Variants in RGS7 observed in about 807,000 individuals in gnomAD.
The protein encoded by RGS7 is regulator of G-protein signaling 7.
In RGS7, 27 loss-of-function variants were observed where a neutral mutation model predicts 81.1. The ratio of observed to expected loss-of-function variants is 0.33; its 90% confidence interval spans 0.25 to 0.46. The LOEUF (loss-of-function observed/expected upper bound fraction) is 0.46, where lower values mean the gene tolerates loss of function less well. RGS7 is among the 20% of genes least tolerant of loss of function. RGS7 has a pLI of 1.00. For synonymous variants in RGS7, 208 were observed against 207.7 expected (o/e 1.00, Z -0.01); for missense variants, 396 against 607.4 (o/e 0.65, Z 3.66).
At chr1:241,056,954 C>G (rs2061503383) in intron 3 of RGS7, among the ~76,000 whole-genome samples, 1 of 152,168 alleles carries the variant, frequency 6.6e-6, no homozygotes, top group South Asian at 2.1e-4. Flanking sequence ...TTGGAATACA[C>G]AGTCCTTTTT....
intron 18 of RGS7, among the ~76,000 whole-genome samples, chr1:240,796,507 GA>G (rs1687088572): frequency 6.6e-6 from 1 of 152,142 alleles, no homozygotes; most frequent in African/African-American, 2.4e-5. Flanking sequence ...CCAACATGGT[GA>G]AACCCCATCT....
chr1:241,230,996 G>A (rs1366250250), intron 2 of RGS7, among the ~76,000 whole-genome samples: 3 of 152,030 alleles, frequency 2.0e-5, no homozygotes, highest in Non-Finnish European at 2.9e-5. Flanking sequence ...AACTCTTTTG[G>A]TTGTTGGTCG....
chr1:240,818,015 T>C (rs1691129631), intron 10 of RGS7, among the ~76,000 whole-genome samples: 1 of 152,214 alleles, frequency 6.6e-6, no homozygotes, highest in Non-Finnish European at 1.5e-5. Flanking sequence ...GTGTCCTTTC[T>C]TGCCCTACCA....
intron 2 of RGS7, among the ~76,000 whole-genome samples, chr1:241,106,468 A>G (rs2065102885): frequency 1.3e-5 from 2 of 152,224 alleles, no homozygotes; most frequent in South Asian, 4.1e-4. Context: ...TAATCCCAGC[A>G]CTTGGGAAGC....
At chr1:241,155,714 A>C (rs1410033810) in intron 2 of RGS7, among the ~76,000 whole-genome samples, 1 of 152,160 alleles carries the variant, frequency 6.6e-6, no homozygotes, top group East Asian at 1.9e-4. Flanking sequence ...TGAAATTTCC[A>C]GTAGACTTTA....
chr1:241,279,472 T>A (rs1375393616), intron 2 of RGS7, among the ~76,000 whole-genome samples: 1 of 152,226 alleles, frequency 6.6e-6, no homozygotes, highest in African/African-American at 2.4e-5. Flanking sequence ...CATGTACCTA[T>A]GTCCTATATA....
chr1:241,022,900 C>T (rs900422395), intron 3 of RGS7, among the ~76,000 whole-genome samples: 4 of 152,058 alleles, frequency 2.6e-5, no homozygotes, highest in Admixed American at 6.6e-5. Flanking sequence ...GGTGGCCTCA[C>T]TAAACCTCAC....
At chr1:241,015,116 T>G (rs1181156164) in intron 3 of RGS7, among the ~76,000 whole-genome samples, 1 of 152,208 alleles carries the variant, frequency 6.6e-6, no homozygotes, top group East Asian at 1.9e-4. Flanking sequence ...CTTCTAAATC[T>G]AAAGTTGCAC....
chr1:241,311,848 A>C (rs948384687), intron 2 of RGS7, among the ~76,000 whole-genome samples: 14 of 152,244 alleles, frequency 9.2e-5, no homozygotes, highest in Admixed American at 9.2e-4. Flanking sequence ...CCCCAAAATA[A>C]TTACATGAAA....
chr1:240,998,691 G>A, intron 3 of RGS7: 2 of 1,153,200 alleles, frequency 1.7e-6, no homozygotes, highest in Non-Finnish European at 1.3e-6. Context: ...ATTTACACCG[G>A]CTGCTTTAAT....
chr1:241,321,034 A>T (rs1041158183), intron 2 of RGS7, among the ~76,000 whole-genome samples: 1 of 152,242 alleles, frequency 6.6e-6, no homozygotes, highest in Non-Finnish European at 1.5e-5. Context: ...ATATTGGAAG[A>T]CACACTGACT....
At chr1:240,985,776 T>C (rs1685565066) in intron 3 of RGS7, among the ~76,000 whole-genome samples, 1 of 151,698 alleles carries the variant, frequency 6.6e-6, no homozygotes, top group African/African-American at 2.4e-5. Context: ...AAGAGATAGG[T>C]AGAGAGAGAA....
Position 241,180,933 on chromosome 1 carries a change from G to A in RGS7, c.79-82171C>T, listed in dbSNP as rs1443839357. On this transcript the variant is annotated intron_variant, in intron 2 of 18. Coordinates refer to ENST00000440928, the MANE Select transcript of RGS7 (RefSeq NM_001364886.1). Reference sequence around the variant, plus strand: ...TCTCCGGAAACTCCAATGCATGTTAGTAAGTGAAGGAAGCCAATCCAAAAA... The same window carrying A: ...TCTCCGGAAACTCCAATGCATGTTAATAAGTGAAGGAAGCCAATCCAAAAA... Among the ~76,000 whole-genome samples the A allele has an allele frequency of 2.6e-5, 4 of 152,356 alleles. No homozygotes were observed. The East Asian group carries it at 7.7e-4, about 29-fold the overall frequency.
In RGS7 at chr1:241,334,604, A is replaced by G. The variant is rs187641976; in HGVS notation, c.78+21095T>C. ...CAGGGCAATACAGTGGGAAGGGACTATCCAGTAAAACTCCTCCAAAACAGT... is the reference window on the plus strand; with the variant it reads ...CAGGGCAATACAGTGGGAAGGGACTGTCCAGTAAAACTCCTCCAAAACAGT... On this transcript the variant is annotated intron_variant, in intron 2 of 18. Transcript: ENST00000440928. Among the ~76,000 whole-genome samples, 21 of 152,316 alleles carry G rather than the reference A, an allele frequency of 1.4e-4. 1 individual carries two copies. The highest frequency in any genetic ancestry group is 3.4e-3 in the Middle Eastern group (1 of 294).
At chr1:240,834,337 T>G (rs1157614758) in intron 9 of RGS7, among the ~76,000 whole-genome samples, 1 of 152,216 alleles carries the variant, frequency 6.6e-6, no homozygotes, top group Non-Finnish European at 1.5e-5. Flanking sequence ...GGGTATGATA[T>G]CTTGCTTCAG....
At chr1:241,161,492 AATT>A (rs1028175742) in intron 2 of RGS7, among the ~76,000 whole-genome samples, 71 of 146,900 alleles carry the variant, frequency 4.8e-4, no homozygotes, top group African/African-American at 1.7e-3. Flanking sequence ...AATATATAAT[AATT>A]ATATTATTAT....
intron 2 of RGS7, among the ~76,000 whole-genome samples, chr1:241,106,648 G>A (rs1218592175): frequency 2.0e-5 from 3 of 150,504 alleles, no homozygotes; most frequent in Non-Finnish European, 3.0e-5. Flanking sequence ...CCTGGGAGGC[G>A]GAGGTTGCAG....
chr1:240,918,783 G>A (rs902608989), intron 6 of RGS7, among the ~76,000 whole-genome samples: 1 of 151,354 alleles, frequency 6.6e-6, no homozygotes, highest in African/African-American at 2.4e-5. Flanking sequence ...GAAATTCAAC[G>A]AAACCAAAAT....
chr1:241,034,575 C>A (rs1330382961), intron 3 of RGS7, among the ~76,000 whole-genome samples: 5 of 152,184 alleles, frequency 3.3e-5, no homozygotes, highest in African/African-American at 1.2e-4. Flanking sequence ...CACAGCTCCT[C>A]TTCAAAAGGA....
Sources: allele counts gnomAD v4.1 joint callset (sites outside exome capture counted in the v4.1 genomes callset), GRCh38; gene constraint gnomAD v4.1.1; transcripts MANE v1.5; gene names NCBI Gene and HGNC (gene_info 2026-07-23, HGNC 2026-07-21).